Variants in ARK2C observed in about 807,000 individuals in gnomAD.
The protein encoded by ARK2C is arkadia (RNF111) C-terminal like ring finger ubiquitin ligase 2C, also known as E3 ubiquitin-protein ligase ARK2C.
chr18:46,435,158 G>C, the ARK2C span: 2 of 679,724 alleles, frequency 2.9e-6, no homozygotes, highest in Non-Finnish European at 5.2e-6. Context: ...CTCAGTGCTT[G>C]CTAGACTGTG....
the ARK2C span, among the ~76,000 whole-genome samples, chr18:46,348,898 TTCTGTGTGTGTGTG>T: frequency 0.014 from 1,736 of 123,256 alleles, 40 homozygotes; most frequent in African/African-American, 0.051. Context: ...CTCTCTCTCT[TTCTGTGTGTGTGTG>T]TGTGTGTGTG....
At chr18:46,360,196 AG>A in the ARK2C span, among the ~76,000 whole-genome samples, 5,182 of 152,234 alleles carry the variant, frequency 0.034, 276 homozygotes, top group African/African-American at 0.11. Context: ...GGTTCATTCA[AG>A]GGCTTCCTCC....
the ARK2C span, among the ~76,000 whole-genome samples, chr18:46,376,340 C>T: frequency 1.1e-4 from 16 of 152,184 alleles, no homozygotes; most frequent in South Asian, 8.3e-4. Flanking sequence ...ACTGAGGTTC[C>T]GTGTGGTTAA....
At chr18:46,422,717 C>G in the ARK2C span, among the ~76,000 whole-genome samples, 30 of 152,204 alleles carry the variant, frequency 2.0e-4, 1 homozygote, top group Admixed American at 7.2e-4. Flanking sequence ...TGCATCATCT[C>G]CTGGTGGGCC....
the ARK2C span, among the ~76,000 whole-genome samples, chr18:46,380,346 T>C: frequency 6.6e-6 from 1 of 152,256 alleles, no homozygotes; most frequent in East Asian, 1.9e-4. Flanking sequence ...TTGGGGAGTG[T>C]GCGCAGGGGA....
chr18:46,346,492 G>A, the ARK2C span, among the ~76,000 whole-genome samples: 1 of 152,176 alleles, frequency 6.6e-6, no homozygotes, highest in Admixed American at 6.5e-5. Context: ...GGACTTCTTG[G>A]GGGCCGAGGG....
At chr18:46,429,057 G>C in the ARK2C span, among the ~76,000 whole-genome samples, 1 of 152,148 alleles carries the variant, frequency 6.6e-6, no homozygotes, top group Admixed American at 6.5e-5. Flanking sequence ...GTAGACCATG[G>C]AGTGAAGGGA....
chr18:46,345,362 C>A, the ARK2C span, among the ~76,000 whole-genome samples: 2 of 152,002 alleles, frequency 1.3e-5, no homozygotes, highest in Admixed American at 1.3e-4. Context: ...GGAGAGAAGG[C>A]CAGATGACAA....
At chr18:46,447,615 A>T in the ARK2C span, 1 of 1,614,006 alleles carries the variant, frequency 6.2e-7, no homozygotes, top group South Asian at 1.1e-5. Flanking sequence ...GGTGCGGCCC[A>T]TCCCTCAGCA....
chr18:46,432,844 C>T, the ARK2C span, among the ~76,000 whole-genome samples: 1 of 152,158 alleles, frequency 6.6e-6, no homozygotes, highest in African/African-American at 2.4e-5. Context: ...ACTCGGGAGG[C>T]TGAGGCAGGA....
chr18:46,336,736 G>C, the ARK2C span: 1 of 985,362 alleles, frequency 1.0e-6, no homozygotes, highest in Non-Finnish European at 1.2e-6. Flanking sequence ...GTAAATCCCT[G>C]TTAAGTGGAT....
At chr18:46,344,191 C>T in the ARK2C span, among the ~76,000 whole-genome samples, 2 of 152,158 alleles carry the variant, frequency 1.3e-5, no homozygotes. Context: ...TCAGCACCAG[C>T]CTGCAGGTGG....
chr18:46,343,239 C>A, the ARK2C span, among the ~76,000 whole-genome samples: 1 of 152,136 alleles, frequency 6.6e-6, no homozygotes, highest in South Asian at 2.1e-4. Flanking sequence ...TCGAGAGGCC[C>A]AAATAAGTGG....
the ARK2C span, among the ~76,000 whole-genome samples, chr18:46,452,626 CATTT>C: frequency 1.3e-5 from 2 of 151,990 alleles, no homozygotes; most frequent in Non-Finnish European, 2.9e-5. Flanking sequence ...TACAAAATAA[CATTT>C]ATTATAAAAA....
chr18:46,382,606 T>C, the ARK2C span, among the ~76,000 whole-genome samples: 8 of 152,324 alleles, frequency 5.3e-5, no homozygotes, highest in Non-Finnish European at 1.2e-4. Flanking sequence ...CAGTTAGCCT[T>C]GCATGACTTA....
the ARK2C span, among the ~76,000 whole-genome samples, chr18:46,448,225 C>A: frequency 2.0e-5 from 3 of 150,150 alleles, no homozygotes; most frequent in African/African-American, 7.4e-5. Flanking sequence ...CATGACCCAG[C>A]TCCTCTGTAT....
chr18:46,394,059 C>T, the ARK2C span, among the ~76,000 whole-genome samples: 1 of 152,208 alleles, frequency 6.6e-6, no homozygotes, highest in Non-Finnish European at 1.5e-5. Flanking sequence ...CTTCCTGTTG[C>T]CCTCGGGTAC....
the ARK2C span, among the ~76,000 whole-genome samples, chr18:46,383,035 A>G: frequency 3.9e-5 from 6 of 152,238 alleles, no homozygotes; most frequent in Admixed American, 6.5e-5. Flanking sequence ...CTGCTGGGCC[A>G]GCTTGGCCAG....
the ARK2C span, among the ~76,000 whole-genome samples, chr18:46,357,475 G>C: frequency 1.3e-5 from 2 of 152,234 alleles, no homozygotes; most frequent in African/African-American, 4.8e-5. Context: ...CAGCAGTGTG[G>C]CCTGATTTTG....
Sources: allele counts gnomAD v4.1 joint callset (sites outside exome capture counted in the v4.1 genomes callset), GRCh38; gene constraint gnomAD v4.1.1; transcripts MANE v1.5; gene names NCBI Gene and HGNC (gene_info 2026-07-23, HGNC 2026-07-21).